TTC27: variants seen among roughly 807,000 people sequenced by gnomAD.
TTC27 encodes the protein tetratricopeptide repeat protein 27.
In TTC27, 79 loss-of-function variants were observed where a neutral mutation model predicts 115.9. The ratio of observed to expected loss-of-function variants is 0.68; its 90% confidence interval spans 0.57 to 0.82. The LOEUF (loss-of-function observed/expected upper bound fraction) is 0.82. Ranked by LOEUF, TTC27 falls within the 40% of genes least tolerant of loss-of-function variation. TTC27 has a pLI of 0.00. For synonymous variants in TTC27, 401 were observed against 356.0 expected, an observed-to-expected ratio of 1.13 and a Z score of -1.42; for missense variants, 1,054 against 993.1, an observed-to-expected ratio of 1.06 and a Z score of -0.82.
intron 10 of TTC27, among the ~76,000 whole-genome samples, chr2:32,706,971 A>T (rs7598603): frequency 0.072 from 10,918 of 152,216 alleles, 738 homozygotes; most frequent in African/African-American, 0.18. Flanking sequence ...GAACAGTAGG[A>T]TGTGGATGAA....
intron 16 of TTC27, among the ~76,000 whole-genome samples, chr2:32,791,281 T>G (rs914713413): frequency 6.6e-6 from 1 of 152,222 alleles, no homozygotes; most frequent in Non-Finnish European, 1.5e-5. Flanking sequence ...ATTTTTCCTT[T>G]TCTTCCTTTT....
At chr2:32,800,992 G>T (rs776635801) in intron 16 of TTC27, among the ~76,000 whole-genome samples, 1 of 152,126 alleles carries the variant, frequency 6.6e-6, no homozygotes, top group Non-Finnish European at 1.5e-5. Context: ...ACTTACTCAC[G>T]TGCAAAAATA....
At chr2:32,668,244 C>T (rs1665865340) in intron 7 of TTC27, among the ~76,000 whole-genome samples, 1 of 151,336 alleles carries the variant, frequency 6.6e-6, no homozygotes. Flanking sequence ...GTGGTGTGTG[C>T]CTGTAATCCC....
chr2:32,785,298 G>A (rs1258911546), intron 15 of TTC27, among the ~76,000 whole-genome samples: 5 of 152,110 alleles, frequency 3.3e-5, no homozygotes, highest in Non-Finnish European at 5.9e-5. Flanking sequence ...TGCTCAGTAT[G>A]TGAAATATAC....
chr2:32,658,021 G>T (rs1480859179), intron 5 of TTC27, among the ~76,000 whole-genome samples: 1 of 152,160 alleles, frequency 6.6e-6, no homozygotes, highest in East Asian at 1.9e-4. Context: ...TAGAGACAGG[G>T]TTTCACCATG....
intron 16 of TTC27, among the ~76,000 whole-genome samples, chr2:32,806,433 T>C (rs1490567128): frequency 2.0e-5 from 3 of 152,204 alleles, no homozygotes; most frequent in Non-Finnish European, 4.4e-5. Context: ...TTGCAGTCAG[T>C]CTGGATAACC....
rs1294345194 is a variant in TTC27 at position 32,628,176 on chromosome 2, C to T, written c.-117C>T. On this transcript the variant is annotated 5_prime_UTR_variant, in exon 1 of 20. The change creates a new upstream start codon in the 5' untranslated region. Transcript: ENST00000317907. ...AATTCTAGGGCCGCAGGTGTATTTA[C>T]GGTAACTGTCGCCACTAGATTTCAG... 2.2e-6 allele frequency: 2 copies of T among 923,538 alleles called. No homozygotes were observed. Among genetic ancestry groups the T allele is most frequent in the Admixed American group, 2.2e-5 (1 of 44,784 alleles). The allele number at this position is 923,538 out of a possible 1,614,324, so 57.2% of individuals were successfully genotyped here.
intron 4 of TTC27, 46 bp downstream of exon 4, chr2:32,640,456 G>T (rs761791306): frequency 1.6e-5 from 25 of 1,582,678 alleles, no homozygotes; most frequent in African/African-American, 4.0e-5. Context: ...TGACTTTTGT[G>T]CTTATTAACA....
intron 12 of TTC27, among the ~76,000 whole-genome samples, chr2:32,741,756 G>GA (rs1203021494): frequency 6.6e-6 from 1 of 152,180 alleles, no homozygotes; most frequent in African/African-American, 2.4e-5. Flanking sequence ...TTTGCTGCAT[G>GA]AGTAACTAGT....
At chr2:32,744,822 A>G (rs1668761595) in intron 12 of TTC27, among the ~76,000 whole-genome samples, 2 of 152,098 alleles carry the variant, frequency 1.3e-5, no homozygotes, top group African/African-American at 2.4e-5. Context: ...AGACCTAGAC[A>G]GGCGGATCAC....
At position 32,816,939 on chromosome 2, in the gene TTC27, G is replaced by T. The variant is rs1671519032; in HGVS notation, c.2309-518G>T. On this transcript the variant is annotated intron_variant, in intron 18 of 19. Transcript: ENST00000317907. ...GGTACTTTGTTTTCAATAATATTTT[G>T]TCTCCTTGCCTAATTTTATTTGTCT... Among the ~76,000 whole-genome samples, 3 of 152,100 alleles carry T rather than the reference G, an allele frequency of 2.0e-5. No individual in the cohort carries two copies. The South Asian group carries it at 6.2e-4, about 32-fold the overall frequency.
intron 13 of TTC27, among the ~76,000 whole-genome samples, chr2:32,760,219 C>G (rs981900392): frequency 6.6e-6 from 1 of 152,124 alleles, no homozygotes; most frequent in Non-Finnish European, 1.5e-5. Flanking sequence ...GGTAAAAAGC[C>G]TGGAGAAGAG....
At chr2:32,778,047 A>G in intron 14 of TTC27, 67 bp downstream of exon 14, 3 of 1,502,686 alleles carry the variant, frequency 2.0e-6, no homozygotes, top group South Asian at 2.3e-5. Context: ...ATTGTACTGT[A>G]TGGTTCAGAA....
At chr2:32,811,483 AC>A (rs1333185699) in intron 17 of TTC27, among the ~76,000 whole-genome samples, 1 of 152,106 alleles carries the variant, frequency 6.6e-6, no homozygotes, top group Non-Finnish European at 1.5e-5. Flanking sequence ...TGAAATGGCC[AC>A]CCCTACTAAA....
At chr2:32,817,875 G>C (rs527470273) in intron 19 of TTC27, among the ~76,000 whole-genome samples, 12 of 152,226 alleles carry the variant, frequency 7.9e-5, no homozygotes, top group African/African-American at 2.9e-4. Flanking sequence ...GGCCAACATG[G>C]TGAAACCCCA....
chr2:32,767,254 TA>T (rs1669660665), intron 13 of TTC27, among the ~76,000 whole-genome samples: 1 of 152,202 alleles, frequency 6.6e-6, no homozygotes, highest in African/African-American at 2.4e-5. Context: ...TTTAATTGAA[TA>T]AATTTATATC....
rs200957498 is a variant in TTC27 at position 32,630,694 on chromosome 2, C to T, written c.260C>T (p.Thr87Met). 64 of 1,598,156 alleles carry T rather than the reference C, an allele frequency of 4.0e-5. No individual in the cohort carries two copies. The highest frequency in any genetic ancestry group is 1.6e-4 in the Admixed American group (9 of 55,056). ...FLDYSTDLDT[T>M]ERQQLIFLLG... Reference sequence around the variant, plus strand: ...GATTACTCAACAGATTTGGACACAACGGAAAGGTAGAATTTTATTTGAAAT... The same window carrying T: ...GATTACTCAACAGATTTGGACACAATGGAAAGGTAGAATTTTATTTGAAAT... Residue 87 changes from threonine (T) to methionine (M), a missense_variant, in exon 2 of 20, where the codon ACG becomes ATG. Physicochemically the swap from Thr to Met is moderately conservative, Grantham distance 81. Transcript: ENST00000317907.
At chr2:32,755,886 C>T (rs1669215305) in intron 12 of TTC27, among the ~76,000 whole-genome samples, 1 of 152,142 alleles carries the variant, frequency 6.6e-6, no homozygotes, top group Non-Finnish European at 1.5e-5. Context: ...GTTGTATTCC[C>T]TCATAATCTA....
chr2:32,672,133 T>C, intron 7 of TTC27, 139 bp from the exon 8 acceptor site: 1 of 582,038 alleles, frequency 1.7e-6, no homozygotes, highest in South Asian at 2.3e-5. Flanking sequence ...CAAATATGTG[T>C]TTCACAAGAA....
Sources: gnomAD v4.1 joint callset for allele counts (sites outside exome capture counted in the v4.1 genomes callset) on GRCh38, gnomAD v4.1.1 for gene constraint, MANE v1.5 for transcripts, NCBI Gene and HGNC (gene_info 2026-07-23, HGNC 2026-07-21) for gene names.